The following TRNT1 variants were observed in gnomAD, a reference collection of about 807,000 sequenced individuals.
TRNT1 encodes CCA tRNA nucleotidyltransferase 1, mitochondrial.
Under a neutral mutation model 45.6 loss-of-function variants are expected in TRNT1, and 44 were observed. That is an observed-to-expected ratio of 0.97 (90% CI 0.76 to 1.24). TRNT1 has a LOEUF of 1.24. Ranked by LOEUF, TRNT1 falls within the 50% of genes most tolerant of loss-of-function variation. TRNT1 has a pLI of 0.00. For missense variants in TRNT1, 633 were observed against 504.4 expected, an observed-to-expected ratio of 1.25 and a Z score of -2.44; for synonymous variants, 201 against 171.4, an observed-to-expected ratio of 1.17 and a Z score of -1.35.
intron 2 of TRNT1, 49 bp from the exon 3 acceptor site, chr3:3,137,211 A>C: frequency 6.8e-7 from 1 of 1,471,002 alleles, no homozygotes; most frequent in South Asian, 1.4e-5. Context: ...AAATAAACAC[A>C]TTGAAATAAA....
chr3:3,152,449 A>G, downstream of TRNT1: 3 of 1,613,746 alleles, frequency 1.9e-6, no homozygotes, highest in East Asian at 4.5e-5. Context: ...CACCACCATA[A>G]TATTACCCAG....
At chr3:3,137,136 A>G in intron 2 of TRNT1, 124 bp from the exon 3 acceptor site, 1 of 721,566 alleles carries the variant, frequency 1.4e-6, no homozygotes, top group Non-Finnish European at 2.1e-6. Context: ...TTCATATGAA[A>G]AGCCTCAGTT....
Position 3,137,393 on chromosome 3 carries a change from G to C in TRNT1, c.282G>C (p.Gln94His). 1 of 1,613,886 alleles carries C rather than the reference G, an allele frequency of 6.2e-7. No homozygotes were observed. Among genetic ancestry groups the C allele is most frequent in the Non-Finnish European group, 8.5e-7 (1 of 1,179,888 alleles). Reference sequence around the variant, plus strand: ...CTACTCAAATGAAGGAGATGTTTCAGTCGGCTGGGATTCGGATGATAAACA... The same window carrying C: ...CTACTCAAATGAAGGAGATGTTTCACTCGGCTGGGATTCGGATGATAAACA... ...ATPTQMKEMF[Q>H]SAGIRMINNR... Residue 94 changes from glutamine to histidine, a missense_variant, in exon 3 of 8, where the codon CAG becomes CAC. Physicochemically the swap from Gln to His is conservative, Grantham distance 24. Transcript: ENST00000251607.
chr3:3,143,594 C>A (rs1705797705), intron 4 of TRNT1, among the ~76,000 whole-genome samples: 1 of 152,192 alleles, frequency 6.6e-6, no homozygotes, highest in Non-Finnish European at 1.5e-5. Context: ...TGGGTATTTA[C>A]TGGCCGGGCA....
intron 1 of TRNT1, chr3:3,127,714 C>G: frequency 6.6e-6 from 1 of 152,292 alleles, no homozygotes; most frequent in East Asian, 1.9e-4. Context: ...GTGACCATGA[C>G]AAGTTTTGGA....
At chr3:3,138,129 C>T (rs1185539907) in intron 3 of TRNT1, among the ~76,000 whole-genome samples, 1 of 152,136 alleles carries the variant, frequency 6.6e-6, no homozygotes, top group Non-Finnish European at 1.5e-5. Flanking sequence ...TTTCCTTGGC[C>T]TCTCTTTTTT....
downstream of TRNT1, chr3:3,150,998 C>G: frequency 1.2e-6 from 2 of 1,613,974 alleles, no homozygotes; most frequent in Non-Finnish European, 1.7e-6. Context: ...AAACTTCCAT[C>G]CAATATGGCT....
chr3:3,128,185 C>T (rs1248572415), intron 1 of TRNT1, among the ~76,000 whole-genome samples: 1 of 152,136 alleles, frequency 6.6e-6, no homozygotes, highest in African/African-American at 2.4e-5. Flanking sequence ...TTCTCTCCTG[C>T]TAAATCATGG....
chr3:3,137,214 G>T (rs1371289464), intron 2 of TRNT1, 46 bp from the exon 3 acceptor site: 2 of 1,483,452 alleles, frequency 1.3e-6, no homozygotes, highest in Middle Eastern at 2.1e-4. Flanking sequence ...TAAACACATT[G>T]AAATAAAGAA....
rs762300797 is a variant in TRNT1, at chr3:3,146,407, C to G, written c.609-23C>G. 3.8e-6 allele frequency: 6 copies of G among 1,587,026 alleles called. No individual in the cohort carries two copies. The East Asian group carries it at 9.0e-5, about 24-fold the overall frequency. On this transcript the variant is annotated intron_variant, in intron 5 of 7. Coordinates refer to ENST00000251607, the MANE Select transcript of TRNT1 (RefSeq NM_182916.3). Reference sequence around the variant, plus strand: ...TGATATGCCAATATAGAGGTAATACCCTGTGAAGATTTTGTCTTGTAGGTT... The same window carrying G: ...TGATATGCCAATATAGAGGTAATACGCTGTGAAGATTTTGTCTTGTAGGTT...
chr3:3,136,831 T>C (rs1705359682), intron 2 of TRNT1: 1 of 334,088 alleles, frequency 3.0e-6, no homozygotes, highest in Non-Finnish European at 5.8e-6. Flanking sequence ...TTTTTATTTT[T>C]TGTATAGATA....
intron 2 of TRNT1, among the ~76,000 whole-genome samples, chr3:3,132,580 C>A (rs1219527420): frequency 1.1e-5 from 1 of 94,054 alleles, no homozygotes; most frequent in Non-Finnish European, 2.1e-5. Flanking sequence ...ATACCTAATG[C>A]TAGATGACAC....
Position 3,146,587 on chromosome 3 carries a change from C to A in TRNT1, c.766C>A (p.His256Asn), listed in dbSNP as rs955405539. The A allele has an allele frequency of 6.2e-7, 1 of 1,613,586 alleles. No individual in the cohort carries two copies. ...LVGNHVNHLIHLIYDLDVAPY... is the reference protein window; with the variant it reads ...LVGNHVNHLINLIYDLDVAPY... ...TGGTAACCATGTAAATCATTTGATT[C>A]ACCTTATCTATGATCTTGATGTGGC... Residue 256 changes from histidine to asparagine, a missense_variant, in exon 6 of 8, where the codon CAC (histidine) becomes AAC (asparagine). By Grantham distance (68) the His-to-Asn change is moderately conservative. Transcript: ENST00000251607.
intron 2 of TRNT1, chr3:3,129,637 A>G (rs1704875712): frequency 1.8e-6 from 1 of 564,620 alleles, no homozygotes; most frequent in Non-Finnish European, 3.2e-6. Flanking sequence ...TGATCCAAAA[A>G]TATAGCTAAA....
intron 4 of TRNT1, among the ~76,000 whole-genome samples, chr3:3,141,538 A>G (rs544349530): frequency 1.9e-4 from 29 of 152,322 alleles, no homozygotes; most frequent in Non-Finnish European, 3.7e-4. Context: ...GGTATGTAAG[A>G]TGAAACCTAT....
At position 3,148,417 on chromosome 3, in the gene TRNT1, A is replaced by C; in HGVS notation, c.*263A>C. 1 of 328,268 alleles carries C rather than the reference A, an allele frequency of 3.0e-6. No individual in the cohort carries two copies. The highest frequency in any genetic ancestry group is 4.7e-5 in the South Asian group (1 of 21,108). The allele number at this position is 328,268 out of a possible 1,614,324, so 20.3% of individuals were successfully genotyped here. Reference sequence around the variant, plus strand: ...AACATAGTTGGCTATTATCTATCTTAACCTGTTCAGGCTTTTAAAAAAAAC... The same window carrying C: ...AACATAGTTGGCTATTATCTATCTTCACCTGTTCAGGCTTTTAAAAAAAAC... On this transcript the variant is annotated 3_prime_UTR_variant, in exon 8 of 8. Coordinates refer to ENST00000251607, the MANE Select transcript of TRNT1 (RefSeq NM_182916.3).
rs1312301408 is a variant in TRNT1, at chr3:3,148,154, A to C, written c.1305A>C (p.Ter435TyrextTer2). The C allele has an allele frequency of 6.2e-7, 1 of 1,611,568 alleles. No individual in the cohort carries two copies. The highest frequency in any genetic ancestry group is 8.5e-7 in the Non-Finnish European group (1 of 1,178,936). Residue 435 changes from the stop codon to tyrosine (Y), a stop_lost, in exon 8 of 8, where the codon TAA becomes TAC. Coordinates refer to ENST00000251607, the MANE Select transcript of TRNT1 (RefSeq NM_182916.3). ...DELLSYIKKT[*>Y] is the part of the protein sequence containing the mutation. ...TTCTGAGTTACATAAAGAAGACCTA[A>C]AACTGATGGCTACTAAAAAGCAGAG...
downstream of TRNT1, chr3:3,151,096 GCCTATCATATAAA>G (rs751818791): frequency 6.3e-7 from 1 of 1,582,094 alleles, no homozygotes; most frequent in Non-Finnish European, 8.7e-7. Flanking sequence ...TGTACTCCAA[GCCTATCATATAAA>G]CCTATCATGA....
At chr3:3,144,738 T>C (rs1233084022) in intron 5 of TRNT1, 28 bp downstream of exon 5, 2 of 1,493,606 alleles carry the variant, frequency 1.3e-6, no homozygotes, top group East Asian at 4.7e-5. Context: ...TAAAAAATGA[T>C]AGTTTTAATA....
Sources: gnomAD v4.1 joint callset for allele counts (sites outside exome capture counted in the v4.1 genomes callset) on GRCh38, gnomAD v4.1.1 for gene constraint, MANE v1.5 for transcripts, NCBI Gene and HGNC (gene_info 2026-07-23, HGNC 2026-07-21) for gene names.